PTPRM: variants seen among roughly 807,000 people sequenced by gnomAD.
PTPRM encodes protein tyrosine phosphatase receptor type M, also known as receptor-type tyrosine-protein phosphatase mu.
PTPRM carries 47 observed loss-of-function variants against 186.7 expected under a neutral mutation model. The observed-to-expected ratio is 0.25, with a 90% CI of 0.20 to 0.32. PTPRM has a LOEUF of 0.32. Among genes scored for constraint, PTPRM ranks in the 10% least tolerant of loss-of-function variants. PTPRM has a pLI of 1.00. For missense variants in PTPRM, 1,494 were observed against 1,865.0 expected (o/e 0.80, Z 3.66); for synonymous variants, 668 against 674.9 (o/e 0.99, Z 0.16).
chr18:7,656,627 G>C (rs2038855767), intron 1 of PTPRM, among the ~76,000 whole-genome samples: 1 of 152,260 alleles, frequency 6.6e-6, no homozygotes, highest in Admixed American at 6.5e-5. Flanking sequence ...GGGGATGGTG[G>C]AGAGGGATAT....
rs1568338568 is a variant in PTPRM at position 8,099,139 on chromosome 18, T to TC, written c.1856+10288_1856+10289insC. On this transcript the variant is annotated intron_variant, in intron 11 of 32. Transcript: ENST00000580170. The stretch of plus-strand genomic sequence containing the variant: ...CACACACAGTCTCTCCACAGTCTCT[T>TC]TCTCTCTCTCTCTCTCTCTTTCTCT... Among the ~76,000 whole-genome samples, 668 of 149,546 alleles carry TC rather than the reference T, an allele frequency of 4.5e-3. 3 individuals are homozygous for TC. The highest frequency in any genetic ancestry group is 0.016 in the African/African-American group (648 of 40,714).
At chr18:8,316,286 G>C (rs190335516) in intron 21 of PTPRM, among the ~76,000 whole-genome samples, 72 of 152,300 alleles carry the variant, frequency 4.7e-4, no homozygotes, top group Non-Finnish European at 7.8e-4. Flanking sequence ...CCTGGCACAT[G>C]CCTGAATATA....
chr18:8,346,693 A>G (rs945786145), intron 23 of PTPRM, among the ~76,000 whole-genome samples: 3 of 152,160 alleles, frequency 2.0e-5, no homozygotes, highest in Non-Finnish European at 4.4e-5. Context: ...TCAATAATAC[A>G]GCTATTAGTG....
At chr18:8,110,338 T>C (rs375005965) in intron 11 of PTPRM, among the ~76,000 whole-genome samples, 105 of 152,296 alleles carry the variant, frequency 6.9e-4, no homozygotes, top group African/African-American at 2.3e-3. Context: ...CTATAAGCCC[T>C]TGAGAGAGAC....
At chr18:8,078,662 C>T (rs1472559850) in intron 9 of PTPRM, among the ~76,000 whole-genome samples, 3 of 152,166 alleles carry the variant, frequency 2.0e-5, no homozygotes, top group African/African-American at 7.2e-5. Context: ...ATGCCAGAGG[C>T]TTGGTAACTT....
intron 1 of PTPRM, among the ~76,000 whole-genome samples, chr18:7,687,075 TA>T (rs1598373330): frequency 6.6e-6 from 1 of 152,214 alleles, no homozygotes; most frequent in Non-Finnish European, 1.5e-5. Flanking sequence ...TAACCTCAAC[TA>T]ATCTTGTAAT....
At chr18:7,933,647 TG>T (rs2051622757) in intron 5 of PTPRM, among the ~76,000 whole-genome samples, 1 of 152,318 alleles carries the variant, frequency 6.6e-6, no homozygotes, top group African/African-American at 2.4e-5. Context: ...TACTAATGCA[TG>T]GGGCTTACTG....
chr18:7,687,778 AT>A (rs35120781), intron 1 of PTPRM, among the ~76,000 whole-genome samples: 805 of 140,216 alleles, frequency 5.7e-3, no homozygotes, highest in Middle Eastern at 7.5e-3. Context: ...GAGCTATAAG[AT>A]TTTTTTTTTT....
intron 14 of PTPRM, among the ~76,000 whole-genome samples, chr18:8,158,852 T>C (rs73389753): frequency 0.039 from 5,972 of 152,192 alleles, 233 homozygotes; most frequent in African/African-American, 0.1. Flanking sequence ...CCAAATTTCA[T>C]GTGAACTGAG....
At chr18:7,671,094 G>T (rs765593775) in intron 1 of PTPRM, among the ~76,000 whole-genome samples, 7 of 152,164 alleles carry the variant, frequency 4.6e-5, no homozygotes, top group African/African-American at 1.7e-4. Flanking sequence ...GAGTCCCTGA[G>T]TTTCAGCTCT....
intron 2 of PTPRM, among the ~76,000 whole-genome samples, chr18:7,785,749 G>A (rs1000278325): frequency 2.6e-5 from 4 of 152,144 alleles, no homozygotes; most frequent in Admixed American, 2.0e-4. Flanking sequence ...GATGATCATT[G>A]GTCATTACTG....
intron 22 of PTPRM, 98 bp from the exon 23 acceptor site, chr18:8,343,325 C>A: frequency 1.1e-6 from 1 of 924,934 alleles, no homozygotes; most frequent in Non-Finnish European, 1.7e-6. Flanking sequence ...AGTGAGGGAA[C>A]TGCATGTGGG....
chr18:7,583,245 AT>A (rs1168645473), intron 1 of PTPRM, among the ~76,000 whole-genome samples: 3 of 152,318 alleles, frequency 2.0e-5, no homozygotes, highest in South Asian at 2.1e-4. Flanking sequence ...AAATGTGACA[AT>A]TGCATGCCAC....
chr18:8,217,802 T>C (rs1456405942), intron 14 of PTPRM, among the ~76,000 whole-genome samples: 1 of 152,222 alleles, frequency 6.6e-6, no homozygotes. Context: ...ACTACACGTA[T>C]ACACCTTTAC....
At chr18:7,711,251 C>T (rs1182560795) in intron 1 of PTPRM, among the ~76,000 whole-genome samples, 2 of 152,172 alleles carry the variant, frequency 1.3e-5, no homozygotes, top group African/African-American at 4.8e-5. Context: ...CCTCCCCTAG[C>T]CAAGGGAAGC....
chr18:7,743,614 G>T (rs1217433195), intron 1 of PTPRM, among the ~76,000 whole-genome samples: 1 of 152,178 alleles, frequency 6.6e-6, no homozygotes, highest in Non-Finnish European at 1.5e-5. Flanking sequence ...TATTTAAGAA[G>T]TAGACATAGG....
intron 2 of PTPRM, among the ~76,000 whole-genome samples, chr18:7,807,778 T>C (rs2044306909): frequency 6.6e-6 from 1 of 152,240 alleles, no homozygotes; most frequent in Admixed American, 6.5e-5. Flanking sequence ...GTTTATGTGG[T>C]TGAAGAATTA....
chr18:8,285,394 C>A (rs899506600), intron 19 of PTPRM, among the ~76,000 whole-genome samples: 4 of 152,150 alleles, frequency 2.6e-5, no homozygotes, highest in African/African-American at 9.7e-5. Context: ...ACAGTGAATT[C>A]AGTTTTCCCC....
At chr18:8,158,036 C>T (rs913909447) in intron 14 of PTPRM, among the ~76,000 whole-genome samples, 9 of 152,204 alleles carry the variant, frequency 5.9e-5, no homozygotes, top group South Asian at 2.1e-4. Context: ...TGAACTTGCA[C>T]CACATTCAGC....
Sources: allele counts gnomAD v4.1 joint callset (sites outside exome capture counted in the v4.1 genomes callset), GRCh38; gene constraint gnomAD v4.1.1; transcripts MANE v1.5; gene names NCBI Gene and HGNC (gene_info 2026-07-23, HGNC 2026-07-21).